Variants in TMEM117 observed in about 807,000 individuals in gnomAD.
The protein encoded by TMEM117 is transmembrane protein 117.
A neutral mutation model predicts 52.4 loss-of-function variants in TMEM117; 27 were observed. The observed-to-expected ratio is 0.51, with a 90% CI of 0.38 to 0.71. The LOEUF is 0.71. TMEM117 is among the 30% of genes least tolerant of loss of function. The pLI, the probability that TMEM117 is intolerant of heterozygous loss-of-function variation, is 0.00. For synonymous variants in TMEM117, 215 were observed against 206.3 expected (o/e 1.04, Z -0.36); for missense variants, 556 against 630.5 (o/e 0.88, Z 1.26).
chr12:44,184,451 A>C lies in TMEM117; in HGVS notation c.511-26839A>C, dbSNP rs372408332. ...TGCAGCAGAAAAAGGCAGAAGAGTT[A>C]GGGAGATGCAGCAGGAGATATGGGG... On this transcript the variant is annotated intron_variant, in intron 4 of 7. Coordinates refer to ENST00000266534, the MANE Select transcript of TMEM117 (RefSeq NM_032256.3). Among the ~76,000 whole-genome samples, 61 of 152,296 alleles carry C rather than the reference A, an allele frequency of 4.0e-4. No individual in the cohort carries two copies. In the South Asian group the frequency reaches 0.012, roughly 31 times the overall value.
At chr12:44,167,982 G>A (rs145911638) in intron 4 of TMEM117, among the ~76,000 whole-genome samples, 1,636 of 152,096 alleles carry the variant, frequency 0.011, 18 homozygotes, top group African/African-American at 0.035. Context: ...TTGGCCAGGC[G>A]CGGTGGCTCA....
At chr12:44,185,915 C>G in intron 4 of TMEM117, among the ~76,000 whole-genome samples, 1 of 149,820 alleles carries the variant, frequency 6.7e-6, no homozygotes, top group South Asian at 2.1e-4. Flanking sequence ...CACACACACA[C>G]GTGCTCCTAC....
rs1322279677 is a variant in TMEM117, at chr12:44,006,160, C to T, written c.410+61818C>T. Among the ~76,000 whole-genome samples the T allele has an allele frequency of 3.3e-5, 5 of 152,128 alleles. No homozygotes were observed. The South Asian group carries it at 6.2e-4, about 19-fold the overall frequency. On this transcript the variant is annotated intron_variant, in intron 3 of 7. Coordinates refer to ENST00000266534, the MANE Select transcript of TMEM117 (RefSeq NM_032256.3). The stretch of plus-strand genomic sequence containing the variant: ...TCCATCCAGTCCACATAATGAAAAT[C>T]AGAAAAAGAACATTCACCACTTATC...
chr12:43,907,705 G>GC (rs1944418033), intron 2 of TMEM117, among the ~76,000 whole-genome samples: 1 of 151,946 alleles, frequency 6.6e-6, no homozygotes, highest in African/African-American at 2.4e-5. Context: ...GAATGCAGAA[G>GC]CCTCTGGAGC....
rs1019160883 is a variant in TMEM117 at position 44,338,763 on chromosome 12, A to G, written c.769-37832A>G. Among the ~76,000 whole-genome samples the G allele has an allele frequency of 9.1e-4, 138 of 152,248 alleles. 1 individual carries two copies. ...GTGGTGAAATATTAGAATTATCAAT[A>G]TATTTTCTTTAAAGTTGGGAGCAAG... is the stretch of plus-strand genomic sequence containing the variant. On this transcript the variant is annotated intron_variant, in intron 6 of 7. Transcript: ENST00000266534.
chr12:44,019,937 T>C (rs1418957376), intron 3 of TMEM117, among the ~76,000 whole-genome samples: 5 of 152,180 alleles, frequency 3.3e-5, no homozygotes. Flanking sequence ...AAAGGTCTGT[T>C]TGTTCATATT....
At chr12:43,867,641 A>T (rs1209959537) in intron 2 of TMEM117, among the ~76,000 whole-genome samples, 2 of 150,498 alleles carry the variant, frequency 1.3e-5, no homozygotes, top group African/African-American at 5.0e-5. Flanking sequence ...AAATGAATAT[A>T]TCCTGTAAAC....
chr12:43,797,861 TTTAGCAG>T, the TMEM117 span: 1 of 1,605,394 alleles, frequency 6.2e-7, no homozygotes, highest in Non-Finnish European at 8.5e-7. Context: ...AATTTACAAG[TTTAGCAG>T]TTAGCAGTAT....
Position 44,384,390 on chromosome 12 carries a change from C to T in TMEM117, c.899-3636C>T, listed in dbSNP as rs1044981876. Among the ~76,000 whole-genome samples the T allele has an allele frequency of 2.6e-5, 4 of 152,070 alleles. No homozygotes were observed. The East Asian group carries it at 5.8e-4, about 22-fold the overall frequency. The stretch of plus-strand genomic sequence containing the variant: ...AATGTGATATGAATAGGCAGCCTGG[C>T]TCACTGCATCCCTTCCCCTCTGCAC... On this transcript the variant is annotated intron_variant, in intron 7 of 7. Transcript: ENST00000266534.
intron 5 of TMEM117, among the ~76,000 whole-genome samples, chr12:44,286,274 G>T (rs1950637334): frequency 6.6e-6 from 1 of 150,946 alleles, no homozygotes; most frequent in African/African-American, 2.4e-5. Flanking sequence ...TAAACATTTA[G>T]AACATGAATA....
intron 6 of TMEM117, among the ~76,000 whole-genome samples, chr12:44,350,170 C>A (rs924556015): frequency 6.6e-6 from 1 of 151,976 alleles, no homozygotes; most frequent in African/African-American, 2.4e-5. Context: ...AAAAGCTTGT[C>A]TTACATACTC....
chr12:44,009,636 G>A (rs901546492), intron 3 of TMEM117: 7 of 235,994 alleles, frequency 3.0e-5, no homozygotes, highest in African/African-American at 9.2e-5. Flanking sequence ...TGGAACACTC[G>A]CTTTGGTTAG....
chr12:43,991,828 A>G (rs991570402), intron 3 of TMEM117, among the ~76,000 whole-genome samples: 3 of 152,182 alleles, frequency 2.0e-5, no homozygotes, highest in African/African-American at 7.2e-5. Context: ...GAATGACGGC[A>G]GCAGCCTCCA....
chr12:44,090,378 C>T (rs79225876), intron 3 of TMEM117, among the ~76,000 whole-genome samples: 2,901 of 148,594 alleles, frequency 0.02, 80 homozygotes, highest in East Asian at 0.058. Context: ...GTGCAGGGCC[C>T]CTTTTATTTT....
At chr12:43,841,427 G>T (rs1565714054) in intron 1 of TMEM117, among the ~76,000 whole-genome samples, 2 of 152,220 alleles carry the variant, frequency 1.3e-5, no homozygotes, top group South Asian at 4.1e-4. Context: ...AGCATTCATG[G>T]CATTACTGTG....
chr12:43,817,086 G>A, the TMEM117 span, among the ~76,000 whole-genome samples: 1 of 152,180 alleles, frequency 6.6e-6, no homozygotes, highest in Non-Finnish European at 1.5e-5. Flanking sequence ...TCTAAATACT[G>A]GTTTTAATAT....
At chr12:44,230,048 A>T (rs748259654) in intron 5 of TMEM117, among the ~76,000 whole-genome samples, 8 of 152,052 alleles carry the variant, frequency 5.3e-5, no homozygotes, top group Non-Finnish European at 8.8e-5. Flanking sequence ...TATTATCTTC[A>T]TTTCAGATTC....
At chr12:44,134,482 G>A (rs1233484836) in intron 3 of TMEM117, among the ~76,000 whole-genome samples, 2 of 152,124 alleles carry the variant, frequency 1.3e-5, no homozygotes, top group African/African-American at 4.8e-5. Flanking sequence ...GGAGAGAGAG[G>A]GGAGTGCTAT....
At chr12:44,189,196 T>A (rs117766318) in intron 4 of TMEM117, among the ~76,000 whole-genome samples, 1,811 of 152,306 alleles carry the variant, frequency 0.012, 15 homozygotes, top group Non-Finnish European at 0.018. Context: ...TTAATACTTA[T>A]TAAATATATG....
Sources: allele counts gnomAD v4.1 joint callset (sites outside exome capture counted in the v4.1 genomes callset), GRCh38; gene constraint gnomAD v4.1.1; transcripts MANE v1.5; gene names NCBI Gene and HGNC (gene_info 2026-07-23, HGNC 2026-07-21).